CDC42BPB: variants seen among roughly 807,000 people sequenced by gnomAD.
CDC42BPB encodes the protein CDC42 binding protein kinase beta.
CDC42BPB carries 37 observed loss-of-function variants against 214.9 expected under a neutral mutation model. The ratio of observed to expected loss-of-function variants is 0.17; its 90% CI spans 0.13 to 0.23. The LOEUF is 0.23. CDC42BPB is among the 10% of genes least tolerant of loss of function. The pLI, the probability that CDC42BPB is intolerant of heterozygous loss-of-function variation, is 1.00. For synonymous variants in CDC42BPB, 931 were observed against 884.0 expected, an observed-to-expected ratio of 1.05 and a Z score of -0.94; for missense variants, 1,694 against 2,227.0, an observed-to-expected ratio of 0.76 and a Z score of 4.82.
At chr14:102,986,444 CA>C in intron 6 of CDC42BPB, 42 bp downstream of exon 6, 1 of 1,494,564 alleles carries the variant, frequency 6.7e-7, no homozygotes, top group African/African-American at 1.4e-5. Flanking sequence ...GACTATATGC[CA>C]AACCCAAAAC....
Position 102,944,583 on chromosome 14 carries a change from G to T in CDC42BPB, c.3812-96C>A. The T allele has an allele frequency of 6.6e-7, 1 of 1,507,380 alleles. No homozygotes were observed. 93.4% of individuals were successfully genotyped at this position (1,507,380 alleles called of 1,614,324 possible). On this transcript the variant is annotated intron_variant, in intron 29 of 36. Coordinates refer to ENST00000361246, the MANE Select transcript of CDC42BPB (RefSeq NM_006035.4). This position sits in a 1 kb window ranked among gnomAD's most constrained non-coding sequence, Gnocchi z 6.6. ...CTAAAGACTTGCCTGGAACACTCTGGGGCCCTCCCCTGGGCTCCCTTCCTG... is the reference window on the plus strand; with the variant it reads ...CTAAAGACTTGCCTGGAACACTCTGTGGCCCTCCCCTGGGCTCCCTTCCTG...
intron 1 of CDC42BPB, among the ~76,000 whole-genome samples, chr14:103,014,837 A>C (rs373028311): frequency 9.8e-5 from 15 of 152,344 alleles, no homozygotes; most frequent in African/African-American, 3.6e-4. Flanking sequence ...AGCCTGGGCG[A>C]CAGAGTGACA....
intron 1 of CDC42BPB, among the ~76,000 whole-genome samples, chr14:103,015,822 C>A (rs1248556830): frequency 6.6e-6 from 1 of 152,052 alleles, no homozygotes; most frequent in Admixed American, 6.5e-5. Flanking sequence ...GATTCTCCTG[C>A]TTCAGCCTCC....
rs34679974 is a variant in CDC42BPB, at chr14:102,941,144, C to T, written c.4409-820G>A. The T allele has an allele frequency of 1.9e-3, 1,857 of 985,436 alleles. 32 individuals carry two copies. In the African/African-American group the frequency reaches 0.03, roughly 16 times the overall value. 61.0% of individuals were successfully genotyped at this position (985,436 alleles called of 1,614,324 possible). ...GCTCAGTCCCTCTGTGTGGGTGGCA[C>T]GCTCACTGCCCCCACAGCCCCTCAG... On this transcript the variant is annotated intron_variant, in intron 30 of 36. Coordinates refer to ENST00000361246, the MANE Select transcript of CDC42BPB (RefSeq NM_006035.4).
chr14:102,964,875 C>A (rs1220362430), intron 18 of CDC42BPB: 1 of 569,970 alleles, frequency 1.8e-6, no homozygotes, highest in Non-Finnish European at 2.2e-6. Flanking sequence ...TTTACTTTAT[C>A]TTTTAGAAGA....
At chr14:103,052,639 G>C (rs938879917) in intron 1 of CDC42BPB, among the ~76,000 whole-genome samples, 1 of 152,184 alleles carries the variant, frequency 6.6e-6, no homozygotes, top group Non-Finnish European at 1.5e-5. Context: ...CCACCCAGAA[G>C]ACTAGGAGGA....
chr14:102,964,760 T>G, intron 18 of CDC42BPB, 110 bp from the exon 19 acceptor site: 1 of 1,389,424 alleles, frequency 7.2e-7, no homozygotes, highest in Non-Finnish European at 9.3e-7. Context: ...CGGTCTCATT[T>G]AGATATTAAC....
At chr14:102,938,585 C>T in intron 34 of CDC42BPB, 174 bp from the exon 35 acceptor site, 1 of 983,024 alleles carries the variant, frequency 1.0e-6, no homozygotes, top group Non-Finnish European at 1.2e-6. Flanking sequence ...TAAGAACTGG[C>T]AATAGCAACT....
At chr14:103,020,454 C>G (rs565901223) in intron 1 of CDC42BPB, among the ~76,000 whole-genome samples, 1 of 152,224 alleles carries the variant, frequency 6.6e-6, no homozygotes, top group African/African-American at 2.4e-5. Flanking sequence ...AGCGCGGGGG[C>G]AGCTGCAGGG....
rs1477528246 is a variant in CDC42BPB at position 102,978,132 on chromosome 14, G to A, written c.1214C>T (p.Thr405Met). ...HLPFIGFTFTTESCFSDRGSL... is the reference protein window; with the variant it reads ...HLPFIGFTFTMESCFSDRGSL... ...ATGATAAATCCAGACATACCTTTCCGTTGTGAATGTAAAACCAATGAATGG... is the reference window on the plus strand; with the variant it reads ...ATGATAAATCCAGACATACCTTTCCATTGTGAATGTAAAACCAATGAATGG... The change falls in exon 9 of 37, where the codon ACG (threonine) becomes ATG (methionine). Residue 405 changes from threonine to methionine, a missense_variant. Transcript: ENST00000361246. 25 of 1,610,342 alleles carry A rather than the reference G, an allele frequency of 1.6e-5. No homozygotes were observed. Among genetic ancestry groups the A allele is most frequent in the East Asian group, 2.2e-5 (1 of 44,890 alleles).
intron 4 of CDC42BPB, among the ~76,000 whole-genome samples, chr14:103,002,124 A>C (rs1195553696): frequency 6.6e-6 from 1 of 152,152 alleles, no homozygotes; most frequent in Non-Finnish European, 1.5e-5. Flanking sequence ...AGAGGAACCC[A>C]CGTTTCCATA....
At chr14:103,043,831 T>C (rs1403744378) in intron 1 of CDC42BPB, among the ~76,000 whole-genome samples, 1 of 152,216 alleles carries the variant, frequency 6.6e-6, no homozygotes, top group Non-Finnish European at 1.5e-5. Context: ...TAACATATTA[T>C]GTCACAAGGA....
chr14:103,038,721 G>GT (rs1462242586), intron 1 of CDC42BPB, among the ~76,000 whole-genome samples: 1 of 109,754 alleles, frequency 9.1e-6, no homozygotes, highest in South Asian at 4.0e-4. Flanking sequence ...GAGACGGGGG[G>GT]GGGGGGCGGG....
At position 102,981,727 on chromosome 14, in the gene CDC42BPB, A is replaced by G. The variant is rs183669459; in HGVS notation, c.892-706T>C. 6.6e-5 allele frequency among the ~76,000 whole-genome samples: 10 copies of G among 152,336 alleles called. No individual in the cohort carries two copies. The East Asian group carries it at 1.9e-3, about 29-fold the overall frequency. On this transcript the variant is annotated intron_variant, in intron 7 of 36. Coordinates refer to ENST00000361246, the MANE Select transcript of CDC42BPB (RefSeq NM_006035.4). ...GGGAGGTGCAAGTTGCAGTGAGCCA[A>G]GATCGTGCCACTGCACTCCAGCCTG...
chr14:103,047,847 G>A (rs1178386171), intron 1 of CDC42BPB, among the ~76,000 whole-genome samples: 1 of 147,872 alleles, frequency 6.8e-6, no homozygotes, highest in East Asian at 1.9e-4. Context: ...AGGTTGCAGT[G>A]AGCCAAGATT....
At chr14:103,054,509 C>A (rs578243939) in intron 1 of CDC42BPB, among the ~76,000 whole-genome samples, 1 of 152,248 alleles carries the variant, frequency 6.6e-6, no homozygotes, top group East Asian at 1.9e-4. Context: ...TAGTTTTATT[C>A]AAAAACATTA....
rs768383971 is a variant in CDC42BPB, at chr14:103,057,024, C to T, written c.150G>A (p.Lys50=). The T allele has an allele frequency of 2.7e-6, 4 of 1,498,264 alleles. No homozygotes were observed. Among genetic ancestry groups the T allele is most frequent in the South Asian group, 2.5e-5 (2 of 79,662 alleles). The allele number at this position is 1,498,264 out of a possible 1,614,324, so 92.8% of individuals were successfully genotyped here. ...ECSHSALRRD[K]YVAEFLEWAK... ...CCCACTCGAGGAACTCGGCCACGTA[C>T]TTGTCGCGGCGCAGGGCCGAGTGGC... Residue 50 remains lysine (K), a synonymous_variant, in exon 1 of 37, where the codon AAG becomes AAA. Transcript: ENST00000361246.
intron 26 of CDC42BPB, among the ~76,000 whole-genome samples, chr14:102,948,141 G>T (rs1284316307): frequency 1.6e-5 from 1 of 61,090 alleles, no homozygotes; most frequent in Non-Finnish European, 3.2e-5. Context: ...GACAAGTGGG[G>T]TGAGGGGTGT....
Position 102,973,998 on chromosome 14 carries a change from C to T in CDC42BPB, c.1641+18G>A, listed in dbSNP as rs773613341. 6.3e-7 allele frequency: 1 copy of T among 1,591,356 alleles called. No homozygotes were observed. Among genetic ancestry groups the T allele is most frequent in the Non-Finnish European group, 8.5e-7 (1 of 1,170,426 alleles). ...CAAAGTCCCGTAAGCCTTTCTCACC[C>T]CAAACTGAGCCACCTACCTTGTGCA... On this transcript the variant is annotated intron_variant, in intron 12 of 36. Transcript: ENST00000361246.
Sources: gnomAD v4.1 joint callset for allele counts (sites outside exome capture counted in the v4.1 genomes callset) on GRCh38, gnomAD v4.1.1 for gene constraint, Gnocchi (gnomAD v3.1) non-coding constraint, MANE v1.5 for transcripts, NCBI Gene and HGNC (gene_info 2026-07-23, HGNC 2026-07-21) for gene names.